The following ERBB4 variants were observed in gnomAD, a reference collection of about 807,000 sequenced individuals.
ERBB4 encodes receptor tyrosine-protein kinase erbB-4.
Under a neutral mutation model 158.0 loss-of-function variants are expected in ERBB4, and 42 were observed. The ratio of observed to expected loss-of-function variants is 0.27; its 90% CI spans 0.21 to 0.34. ERBB4 has a LOEUF of 0.34. Ranked by LOEUF, ERBB4 falls within the 10% of genes least tolerant of loss-of-function variation. ERBB4 has a pLI of 1.00. For missense variants in ERBB4, 1,333 were observed against 1,624.1 expected, an observed-to-expected ratio of 0.82 and a Z score of 3.08; for synonymous variants, 583 against 558.7, an observed-to-expected ratio of 1.04 and a Z score of -0.61.
intron 20 of ERBB4, among the ~76,000 whole-genome samples, chr2:211,513,028 T>C (rs999300897): frequency 3.3e-5 from 5 of 152,044 alleles, no homozygotes; most frequent in Non-Finnish European, 4.4e-5. Flanking sequence ...GCAGAGCTGA[T>C]TGCCTATGGT....
chr2:212,003,326 A>AAG (rs2076183265), intron 2 of ERBB4, among the ~76,000 whole-genome samples: 1 of 151,242 alleles, frequency 6.6e-6, no homozygotes, highest in South Asian at 2.1e-4. Context: ...GAATGGTAAA[A>AAG]AAAAAAAAAA....
At chr2:211,924,127 T>C (rs558188079) in intron 3 of ERBB4, among the ~76,000 whole-genome samples, 1 of 152,294 alleles carries the variant, frequency 6.6e-6, no homozygotes, top group South Asian at 2.1e-4. Context: ...TGACTCATAA[T>C]AGGAAAGACT....
chr2:211,687,469 CCT>C (rs1323449385), intron 12 of ERBB4, among the ~76,000 whole-genome samples: 1 of 151,464 alleles, frequency 6.6e-6, no homozygotes, highest in Admixed American at 6.6e-5. Context: ...TCTACACTCT[CCT>C]CTCTTTTGCG....
At chr2:212,230,722 C>G (rs1419310526) in intron 1 of ERBB4, among the ~76,000 whole-genome samples, 2 of 152,090 alleles carry the variant, frequency 1.3e-5, no homozygotes, top group African/African-American at 4.8e-5. Flanking sequence ...TATCTTTTAT[C>G]TGTCTCTCCA....
At chr2:211,923,206 C>T (rs1163078342) in intron 3 of ERBB4, among the ~76,000 whole-genome samples, 1 of 151,952 alleles carries the variant, frequency 6.6e-6, no homozygotes, top group Non-Finnish European at 1.5e-5. Flanking sequence ...TTTAAAACAT[C>T]TGGGAAGGAG....
intron 1 of ERBB4, among the ~76,000 whole-genome samples, chr2:212,479,836 G>T (rs1011322525): frequency 6.6e-6 from 1 of 152,124 alleles, no homozygotes; most frequent in African/African-American, 2.4e-5. Flanking sequence ...ACACAGAGAG[G>T]TTCTGATGAA....
intron 20 of ERBB4, among the ~76,000 whole-genome samples, chr2:211,537,274 CAG>C (rs1289259408): frequency 6.6e-6 from 1 of 151,460 alleles, no homozygotes; most frequent in Non-Finnish European, 1.5e-5. Context: ...TGTTTATAAA[CAG>C]AAAAAATGAA....
intron 1 of ERBB4, among the ~76,000 whole-genome samples, chr2:212,495,995 C>T (rs760192237): frequency 1.9e-4 from 29 of 152,072 alleles, no homozygotes; most frequent in South Asian, 1.7e-3. Flanking sequence ...TTACTTGATA[C>T]GGCATCAGGT....
chr2:211,583,817 A>G (rs2068180137), intron 19 of ERBB4, among the ~76,000 whole-genome samples: 1 of 151,602 alleles, frequency 6.6e-6, no homozygotes, highest in Non-Finnish European at 1.5e-5. Flanking sequence ...GTCAATTATA[A>G]TATCATTATT....
At chr2:212,140,846 A>AGTGTGTGT (rs35461019) in intron 1 of ERBB4, among the ~76,000 whole-genome samples, 2,134 of 131,708 alleles carry the variant, frequency 0.016, 32 homozygotes, top group South Asian at 0.038. Context: ...AGGAAACATG[A>AGTGTGTGT]GTGTGTGTGT....
At chr2:211,551,919 G>T (rs532844460) in intron 20 of ERBB4, among the ~76,000 whole-genome samples, 2 of 152,160 alleles carry the variant, frequency 1.3e-5, no homozygotes, top group African/African-American at 2.4e-5. Flanking sequence ...GGCTCTGCTC[G>T]TGTAACATAT....
intron 25 of ERBB4, among the ~76,000 whole-genome samples, chr2:211,403,297 G>A (rs1485196300): frequency 1.3e-5 from 2 of 151,994 alleles, no homozygotes; most frequent in Non-Finnish European, 2.9e-5. Flanking sequence ...TTCAACTCAG[G>A]CCTCAGAGCC....
intron 2 of ERBB4, among the ~76,000 whole-genome samples, chr2:212,088,884 C>T (rs1313674147): frequency 6.6e-6 from 1 of 152,112 alleles, no homozygotes; most frequent in African/African-American, 2.4e-5. Flanking sequence ...CTATTAGACA[C>T]TCAGTTTACA....
intron 1 of ERBB4, among the ~76,000 whole-genome samples, chr2:212,167,943 G>A (rs1007858529): frequency 6.6e-6 from 1 of 152,038 alleles, no homozygotes; most frequent in Non-Finnish European, 1.5e-5. Context: ...CTGTTGGGGT[G>A]TGGGGAATGA....
intron 3 of ERBB4, among the ~76,000 whole-genome samples, chr2:211,915,369 T>C (rs928434212): frequency 1.3e-5 from 2 of 151,840 alleles, no homozygotes; most frequent in African/African-American, 4.8e-5. Context: ...CAACATTTCA[T>C]CCTGCTTTAG....
At chr2:211,389,140 A>G (rs1574392122) in intron 25 of ERBB4, among the ~76,000 whole-genome samples, 1 of 152,162 alleles carries the variant, frequency 6.6e-6, no homozygotes, top group Admixed American at 6.5e-5. Context: ...GGTTCACGCC[A>G]TTCCCTTTCC....
intron 3 of ERBB4, among the ~76,000 whole-genome samples, chr2:211,794,554 T>C (rs1270124059): frequency 6.6e-6 from 1 of 151,898 alleles, no homozygotes; most frequent in Non-Finnish European, 1.5e-5. Flanking sequence ...CCAACTTTTG[T>C]AAAAAATTAC....
chr2:211,779,802 T>C (rs949083696), intron 4 of ERBB4: 3 of 152,168 alleles, frequency 2.0e-5, no homozygotes, highest in Admixed American at 6.5e-5. Flanking sequence ...TCCCAGAAAC[T>C]GGTTTCAAGC....
At chr2:211,616,457 A>G (rs2069396041) in intron 19 of ERBB4, among the ~76,000 whole-genome samples, 1 of 152,038 alleles carries the variant, frequency 6.6e-6, no homozygotes, top group African/African-American at 2.4e-5. Context: ...TAACCAAGTA[A>G]CTCTGGAATA....
Sources: gnomAD v4.1 joint callset for allele counts (sites outside exome capture counted in the v4.1 genomes callset) on GRCh38, gnomAD v4.1.1 for gene constraint, MANE v1.5 for transcripts, NCBI Gene and HGNC (gene_info 2026-07-23, HGNC 2026-07-21) for gene names.